LILRA2: variants seen among roughly 807,000 people sequenced by gnomAD.
The protein encoded by LILRA2 is leukocyte immunoglobulin like receptor A2, also known as leukocyte immunoglobulin-like receptor subfamily A member 2.
Under a neutral mutation model 47.9 loss-of-function variants are expected in LILRA2, and 45 were observed. The ratio of observed to expected loss-of-function variants is 0.94; its 90% CI spans 0.74 to 1.20. The LOEUF is 1.20. LILRA2 is among the 50% of genes most tolerant of loss of function. The probability of loss-of-function intolerance (pLI) is 0.00; values close to 1 mark genes in which losing one functional copy is unlikely to be tolerated. For synonymous variants in LILRA2, 279 were observed against 249.2 expected (o/e 1.12, Z -1.13); for missense variants, 651 against 598.2 (o/e 1.09, Z -0.92).
intron 4 of LILRA2, 97 bp downstream of exon 4, chr19:54,575,130 T>C: frequency 6.4e-7 from 1 of 1,560,626 alleles, no homozygotes; most frequent in Non-Finnish European, 8.7e-7. Flanking sequence ...CCAGGTGGGA[T>C]GATGTTGGGG....
At position 54,574,105 on chromosome 19, in the gene LILRA2, CA is replaced by C. The variant is rs2062258933; in HGVS notation, c.65del (p.Gln22ArgfsTer17). On this transcript the variant is annotated frameshift_variant, in exon 2 of 8. Coordinates refer to ENST00000391738, the MANE Select transcript of LILRA2 (RefSeq NM_001130917.3). LOFTEE classifies it high-confidence loss of function. ...GLSLGPRTHV[Q>X]AGHLPKPTLW... ...GAGTCTGGGCCCCAGGACCCACGTG[CA>C]GGCAGGTGAGTCTGTTCCCAGCTGT... is the stretch of plus-strand genomic sequence containing the variant. 6.2e-7 allele frequency: 1 copy of C among 1,614,056 alleles called. No individual in the cohort carries two copies. The highest frequency in any genetic ancestry group is 1.3e-5 in the African/African-American group (1 of 74,894).
At chr19:54,574,154 G>A (rs916337613) in intron 2 of LILRA2, 43 bp downstream of exon 2, 6 of 1,614,146 alleles carry the variant, frequency 3.7e-6, no homozygotes, top group Non-Finnish European at 5.1e-6. Flanking sequence ...CTCCTCACTA[G>A]GGACAAGGGG....
At chr19:54,574,150 A>G (rs1485891895) in intron 2 of LILRA2, 39 bp downstream of exon 2, 1 of 1,614,236 alleles carries the variant, frequency 6.2e-7, no homozygotes, top group South Asian at 1.1e-5. Context: ...CCTCCTCCTC[A>G]CTAGGGACAA....
rs1034254196 is a variant in LILRA2 at position 54,576,051 on chromosome 19, C to G, written c.1197C>G (p.Leu399=). The G allele has an allele frequency of 8.1e-6, 13 of 1,613,898 alleles. No individual in the cohort carries two copies. The Admixed American group carries it at 2.0e-4, about 25-fold the overall frequency. ...HVGTYRCYSS[L]SSNPYLLSLP... ...GGACCTACAGATGCTACAGCTCACT[C>G]AGCTCCAACCCCTACCTGCTGTCTC... is the stretch of plus-strand genomic sequence containing the variant. Residue 399 remains leucine, a synonymous_variant, in exon 6 of 8, where the codon CTC becomes CTG. Coordinates refer to ENST00000391738, the MANE Select transcript of LILRA2 (RefSeq NM_001130917.3).
chr19:54,580,209 T>A, intron 6 of LILRA2, among the ~76,000 whole-genome samples: 1 of 143,350 alleles, frequency 7.0e-6, no homozygotes, highest in East Asian at 1.9e-4. Context: ...TTTTTTTTTT[T>A]TTTTATTATA....
At position 54,576,042 on chromosome 19, in the gene LILRA2, C is replaced by T. The variant is rs2062414228; in HGVS notation, c.1188C>T (p.Tyr396=). The change falls in exon 6 of 8, where the codon TAC becomes TAT. Residue 396 remains tyrosine (Y), a synonymous_variant. Transcript: ENST00000391738. ...TSAHVGTYRC[Y]SSLSSNPYLL... is the part of the protein sequence containing the mutation. ...CCCACGTGGGGACCTACAGATGCTA[C>T]AGCTCACTCAGCTCCAACCCCTACC... The T allele has an allele frequency of 6.2e-7, 1 of 1,614,122 alleles. No homozygotes were observed. The highest frequency in any genetic ancestry group is 8.5e-7 in the Non-Finnish European group (1 of 1,180,018).
At chr19:54,582,864 A>G (rs2062684152) in intron 6 of LILRA2, among the ~76,000 whole-genome samples, 1 of 151,820 alleles carries the variant, frequency 6.6e-6, no homozygotes, top group Non-Finnish European at 1.5e-5. Flanking sequence ...TTTAATTGTG[A>G]TGTTAGGGTG....
At chr19:54,584,952 G>A (rs908533709) in intron 6 of LILRA2, among the ~76,000 whole-genome samples, 4 of 152,130 alleles carry the variant, frequency 2.6e-5, no homozygotes, top group Non-Finnish European at 5.9e-5. Context: ...CTAGGGATGG[G>A]GTTTTGGTGT....
rs552021758 is a variant in LILRA2 at position 54,587,530 on chromosome 19, T to C, written c.*184T>C. The C allele has an allele frequency of 9.6e-6, 10 of 1,038,376 alleles. No individual in the cohort carries two copies. Among genetic ancestry groups the C allele is most frequent in the Non-Finnish European group, 1.4e-5 (10 of 737,234 alleles). 64.3% of individuals were successfully genotyped at this position (1,038,376 alleles called of 1,614,324 possible). ...GTCTGGGGTGATTCCTAGAAGATCA[T>C]TAAACTGTGGTACATTTTTTTGTCT... is the stretch of plus-strand genomic sequence containing the variant. On this transcript the variant is annotated 3_prime_UTR_variant, in exon 8 of 8. Coordinates refer to ENST00000391738, the MANE Select transcript of LILRA2 (RefSeq NM_001130917.3).
rs930156396 is a variant in LILRA2 at position 54,577,913 on chromosome 19, A to G, written c.1255+1804A>G. 1.4e-3 allele frequency among the ~76,000 whole-genome samples: 219 copies of G among 151,440 alleles called. No individual in the cohort carries two copies. The South Asian group carries it at 0.031, about 21-fold the overall frequency. On this transcript the variant is annotated intron_variant, in intron 6 of 7. Coordinates refer to ENST00000391738, the MANE Select transcript of LILRA2 (RefSeq NM_001130917.3). The stretch of plus-strand genomic sequence containing the variant: ...CCTTATTTATACTCCCCTTTAATTG[A>G]GTCTTGATTTAATTTATACATTCAA...
At chr19:54,580,103 TTCTC>T (rs1466566154) in intron 6 of LILRA2, among the ~76,000 whole-genome samples, 3 of 152,158 alleles carry the variant, frequency 2.0e-5, no homozygotes, top group Non-Finnish European at 4.4e-5. Flanking sequence ...CTTTATTTCT[TTCTC>T]TTGCGTGATT....
rs576292211 is a variant in LILRA2, at chr19:54,574,072, C to A, written c.35-4C>A. On this transcript the variant is annotated splice_region_variant and splice_polypyrimidine_tract_variant and intron_variant, in intron 1 of 7. Coordinates refer to ENST00000391738, the MANE Select transcript of LILRA2 (RefSeq NM_001130917.3). Reference sequence around the variant, plus strand: ...AAAATCCCTCACAGGGAACTCTCTTCCAGGGCTGAGTCTGGGCCCCAGGAC... The same window carrying A: ...AAAATCCCTCACAGGGAACTCTCTTACAGGGCTGAGTCTGGGCCCCAGGAC... The A allele has an allele frequency of 1.8e-4, 290 of 1,614,226 alleles. No homozygotes were observed. The East Asian group carries it at 6.4e-3, about 36-fold the overall frequency.
At chr19:54,576,265 C>A (rs1175574629) in intron 6 of LILRA2, among the ~76,000 whole-genome samples, 156 bp downstream of exon 6, 3 of 151,038 alleles carry the variant, frequency 2.0e-5, no homozygotes, top group Admixed American at 1.3e-4. Flanking sequence ...GCAGGGACCT[C>A]CCACCCCTGG....
rs1008652365 is a variant in LILRA2 at position 54,588,558 on chromosome 19, A to G, written c.*1212A>G. 4 of 149,908 alleles carry G rather than the reference A, an allele frequency of 2.7e-5. No individual in the cohort carries two copies. Among genetic ancestry groups the G allele is most frequent in the African/African-American group, 9.7e-5 (4 of 41,040 alleles). 9.3% of individuals were successfully genotyped at this position (149,908 alleles called of 1,614,324 possible). A position where few individuals can be genotyped will look rare whatever the true frequency, so the allele number is the denominator to read the frequency against. On this transcript the variant is annotated 3_prime_UTR_variant, in exon 8 of 8. Transcript: ENST00000391738. Reference sequence around the variant, plus strand: ...GAGGCGGAGCTTGCAATGGGCCGAGATTGCGACACTGCCCTCCAGCCTGGG... The same window carrying G: ...GAGGCGGAGCTTGCAATGGGCCGAGGTTGCGACACTGCCCTCCAGCCTGGG...
rs149580797 is a variant in LILRA2 at position 54,587,248 on chromosome 19, C to T, written c.1354C>T (p.Arg452Cys). 752 of 1,614,048 alleles carry T rather than the reference C, an allele frequency of 4.7e-4. 3 individuals are homozygous for T. The African/African-American group carries it at 6.3e-3, about 13-fold the overall frequency. ...PQDYTVENLI[R>C]MGVAGLVLVV... Reference sequence around the variant, plus strand: ...GGATTACACAGTGGAGAATCTCATCCGCATGGGTGTGGCTGGCTTGGTCCT... The same window carrying T: ...GGATTACACAGTGGAGAATCTCATCTGCATGGGTGTGGCTGGCTTGGTCCT... The change falls in exon 8 of 8, where the codon CGC becomes TGC. Residue 452 changes from arginine (R) to cysteine (C), a missense_variant. By Grantham distance (180) the Arg-to-Cys change is radical. Transcript: ENST00000391738.
chr19:54,578,526 T>C (rs1382831427), intron 6 of LILRA2, among the ~76,000 whole-genome samples: 3 of 152,242 alleles, frequency 2.0e-5, no homozygotes, highest in Non-Finnish European at 2.9e-5. Context: ...AGTCCACTGA[T>C]GGACATTTGG....
chr19:54,575,122 A>G, intron 4 of LILRA2, 89 bp downstream of exon 4: 2 of 1,563,980 alleles, frequency 1.3e-6, no homozygotes, highest in Admixed American at 1.8e-5. Context: ...GGGCAGCTCC[A>G]GGTGGGATGA....
rs763309822 is a variant in LILRA2 at position 54,574,321 on chromosome 19, C to G, written c.91C>G (p.Leu31Val). 7.4e-6 allele frequency: 12 copies of G among 1,614,108 alleles called. No individual in the cohort carries two copies. The African/African-American group carries it at 1.3e-4, about 18-fold the overall frequency. Residue 31 changes from leucine to valine, a missense_variant, in exon 3 of 8, where the codon CTC becomes GTC. Physicochemically the swap from Leu to Val is conservative, Grantham distance 32. Transcript: ENST00000391738. The stretch of plus-strand genomic sequence containing the variant: ...TCCAGGGCACCTCCCCAAGCCCACC[C>G]TCTGGGCTGAGCCAGGCTCTGTGAT... ...VQAGHLPKPT[L>V]WAEPGSVIIQ...
rs112570794 is a variant in LILRA2 at position 54,573,931 on chromosome 19, G to A, written c.34+19G>A. ...TGTCTCGGTGAGATTTGAAGAGGGA[G>A]GGGAGCTTCTAACCTAGGAGGGACC... On this transcript the variant is annotated intron_variant, in intron 1 of 7. Transcript: ENST00000391738. 8.8e-4 allele frequency: 144 copies of A among 163,858 alleles called. No individual in the cohort carries two copies. In the African/African-American group the frequency reaches 0.03, roughly 34 times the overall value. The allele number at this position is 163,858 out of a possible 1,614,324, so 10.2% of individuals were successfully genotyped here.
Sources: allele counts gnomAD v4.1 joint callset (sites outside exome capture counted in the v4.1 genomes callset), GRCh38; gene constraint gnomAD v4.1.1; transcripts MANE v1.5; gene names NCBI Gene and HGNC (gene_info 2026-07-23, HGNC 2026-07-21).